The following FBXL7 variants were observed in gnomAD, a reference collection of about 807,000 sequenced individuals.
FBXL7 encodes the protein F-box/LRR-repeat protein 7.
Under a neutral mutation model 38.3 loss-of-function variants are expected in FBXL7, and 12 were observed. The ratio of observed to expected loss-of-function variants is 0.31; its 90% CI spans 0.20 to 0.51. The LOEUF is 0.51. Ranked by LOEUF, FBXL7 falls within the 20% of genes least tolerant of loss-of-function variation. FBXL7 has a pLI of 0.98. For missense variants in FBXL7, 567 were observed against 676.4 expected (o/e 0.84, Z 1.79); for synonymous variants, 297 against 300.9 (o/e 0.99, Z 0.13).
At chr5:15,738,009 G>A (rs182113702) in intron 2 of FBXL7, among the ~76,000 whole-genome samples, 79 of 152,256 alleles carry the variant, frequency 5.2e-4, no homozygotes, top group African/African-American at 1.8e-3. Flanking sequence ...ATCAACATAT[G>A]TGCCTGAATG....
intron 1 of FBXL7, among the ~76,000 whole-genome samples, chr5:15,557,061 C>T (rs1351516088): frequency 6.6e-6 from 1 of 152,168 alleles, no homozygotes. Flanking sequence ...TCTCAGCCTC[C>T]CCAGTAGCTG....
intron 2 of FBXL7, among the ~76,000 whole-genome samples, chr5:15,858,226 C>CATATTATATATAATACATATAAT (rs1561155264): frequency 6.7e-6 from 1 of 149,148 alleles, no homozygotes; most frequent in African/African-American, 2.4e-5. Flanking sequence ...ATATATATAA[C>CATATTATATATAATACATATAAT]ATATGCATAT....
intron 3 of FBXL7, among the ~76,000 whole-genome samples, chr5:15,933,531 C>CA (rs1201116687): frequency 1.3e-5 from 2 of 152,098 alleles, no homozygotes; most frequent in African/African-American, 2.4e-5. Context: ...GAAAGAAACT[C>CA]AAAACAAAGG....
chr5:15,869,705 T>C (rs1190424320), intron 2 of FBXL7, among the ~76,000 whole-genome samples: 2 of 152,326 alleles, frequency 1.3e-5, no homozygotes, highest in East Asian at 3.9e-4. Context: ...GCATATATTT[T>C]GTCATGAAGT....
chr5:15,600,761 A>C (rs901668898), intron 1 of FBXL7, among the ~76,000 whole-genome samples: 2 of 152,180 alleles, frequency 1.3e-5, no homozygotes, highest in African/African-American at 4.8e-5. Context: ...TTTAAAATTT[A>C]TTGTTCAGAA....
At chr5:15,581,704 C>T (rs1739146859) in intron 1 of FBXL7, among the ~76,000 whole-genome samples, 1 of 152,076 alleles carries the variant, frequency 6.6e-6, no homozygotes. Context: ...ACTCTCTTGT[C>T]TTTTGGTCTG....
intron 1 of FBXL7, among the ~76,000 whole-genome samples, chr5:15,515,609 TG>T (rs140258402): frequency 0.011 from 1,744 of 152,278 alleles, 39 homozygotes; most frequent in African/African-American, 0.04. Context: ...AGTAGAATAC[TG>T]AAGAAAAAAT....
chr5:15,825,754 C>T (rs1738293546), intron 2 of FBXL7, among the ~76,000 whole-genome samples: 1 of 152,242 alleles, frequency 6.6e-6, no homozygotes, highest in East Asian at 1.9e-4. Context: ...TTCTAAATTG[C>T]CAAAGATTTG....
At chr5:15,732,285 G>A (rs1735608278) in intron 2 of FBXL7, among the ~76,000 whole-genome samples, 1 of 152,066 alleles carries the variant, frequency 6.6e-6, no homozygotes, top group African/African-American at 2.4e-5. Context: ...CAGCTTAAGG[G>A]TCACTCTATT....
Position 15,927,764 on chromosome 5 carries a change from T to TAAAAAAAA in FBXL7, c.128-110_128-103dup, listed in dbSNP as rs753935096. ...CACTCCCGCCTGGGCGACAAGATCT[T>TAAAAAAAA]AAAAAAAAAAAAAAAAAAAAAAAGA... is the stretch of plus-strand genomic sequence containing the variant. On this transcript the variant is annotated intron_variant, in intron 2 of 3. Coordinates refer to ENST00000504595, the MANE Select transcript of FBXL7 (RefSeq NM_012304.5). 4.0e-3 allele frequency: 1,805 copies of TAAAAAAAA among 454,722 alleles called. 21 individuals are homozygous for TAAAAAAAA. The highest frequency in any genetic ancestry group is 9.5e-3 in the African/African-American group (259 of 27,342). 28.2% of individuals were successfully genotyped at this position (454,722 alleles called of 1,614,324 possible). A position where few individuals can be genotyped will look rare whatever the true frequency, so the allele number is the denominator to read the frequency against.
intron 1 of FBXL7, among the ~76,000 whole-genome samples, chr5:15,517,933 A>G (rs573286452): frequency 4.6e-5 from 7 of 152,224 alleles, no homozygotes; most frequent in Admixed American, 3.3e-4. Context: ...GTAGACTAGC[A>G]TTGGCGTCTT....
intron 2 of FBXL7, among the ~76,000 whole-genome samples, chr5:15,884,649 CA>C (rs1740603236): frequency 6.6e-6 from 1 of 152,060 alleles, no homozygotes; most frequent in South Asian, 2.1e-4. Flanking sequence ...CAAGTGAATT[CA>C]ATAGAGATAG....
chr5:15,610,841 A>G (rs1740209226), intron 1 of FBXL7, among the ~76,000 whole-genome samples: 1 of 152,192 alleles, frequency 6.6e-6, no homozygotes, highest in Non-Finnish European at 1.5e-5. Flanking sequence ...AATTTTCACA[A>G]TAACCCTATG....
intron 2 of FBXL7, among the ~76,000 whole-genome samples, chr5:15,800,132 G>GACTATGTC (rs549530051): frequency 2.8e-3 from 431 of 152,016 alleles, no homozygotes; most frequent in African/African-American, 9.7e-3. Flanking sequence ...ATGAAACAGA[G>GACTATGTC]ACTATGTCAG....
chr5:15,927,757 A>C, intron 2 of FBXL7, 133 bp from the exon 3 acceptor site: 31 of 813,614 alleles, frequency 3.8e-5, no homozygotes, highest in Non-Finnish European at 4.7e-5. Context: ...CCTGGGCGAC[A>C]AGATCTTAAA....
Position 15,928,531 on chromosome 5 carries a change from G to A in FBXL7, c.739+30G>A, listed in dbSNP as rs748554348. The A allele has an allele frequency of 1.3e-6, 2 of 1,583,312 alleles. No individual in the cohort carries two copies. The highest frequency in any genetic ancestry group is 1.7e-6 in the Non-Finnish European group (2 of 1,163,306). On this transcript the variant is annotated intron_variant, in intron 3 of 3. Coordinates refer to ENST00000504595, the MANE Select transcript of FBXL7 (RefSeq NM_012304.5). The surrounding 1 kb of genome is among the most constrained non-coding windows in gnomAD (Gnocchi z 4.0). ...ATGGACACTGACCTACCAGCTATGG[G>A]CCCTCCTGGTGCACCATCCTAAAAC...
chr5:15,757,339 A>G (rs917876834), intron 2 of FBXL7, among the ~76,000 whole-genome samples: 7 of 152,318 alleles, frequency 4.6e-5, no homozygotes, highest in Middle Eastern at 3.4e-3. Flanking sequence ...AAAGCTGTAC[A>G]GACTCTAAGA....
Position 15,588,906 on chromosome 5 carries a change from T to G in FBXL7, c.38-27077T>G, listed in dbSNP as rs186762934. 2.7e-3 allele frequency among the ~76,000 whole-genome samples: 417 copies of G among 152,316 alleles called. 1 individual carries two copies. The highest frequency in any genetic ancestry group is 9.5e-3 in the African/African-American group (394 of 41,578). ...ATTTTAATCCAACCTCTTTCTTTTT[T>G]TAAAACTCAACTTATTTTTGTGTTC... is the stretch of plus-strand genomic sequence containing the variant. On this transcript the variant is annotated intron_variant, in intron 1 of 3. Transcript: ENST00000504595.
chr5:15,648,042 C>A (rs1741590109), intron 2 of FBXL7, among the ~76,000 whole-genome samples: 1 of 152,180 alleles, frequency 6.6e-6, no homozygotes, highest in Non-Finnish European at 1.5e-5. Context: ...CGCCAGCACA[C>A]ATATGTGATA....
Sources: gnomAD v4.1 joint callset for allele counts (sites outside exome capture counted in the v4.1 genomes callset) on GRCh38, gnomAD v4.1.1 for gene constraint, Gnocchi (gnomAD v3.1) non-coding constraint, MANE v1.5 for transcripts, NCBI Gene and HGNC (gene_info 2026-07-23, HGNC 2026-07-21) for gene names.